OSBPL3: variants seen among roughly 807,000 people sequenced by gnomAD.
OSBPL3 encodes the protein oxysterol binding protein like 3.
OSBPL3 carries 65 observed loss-of-function variants against 120.1 expected under a neutral mutation model. That is an observed-to-expected ratio of 0.54 (90% CI 0.44 to 0.67). The LOEUF is 0.67. OSBPL3 is among the 30% of genes least tolerant of loss of function. The pLI is 0.00. For synonymous variants in OSBPL3, 416 were observed against 402.6 expected, an observed-to-expected ratio of 1.03 and a Z score of -0.40; for missense variants, 1,004 against 1,082.1, an observed-to-expected ratio of 0.93 and a Z score of 1.01.
chr7:24,861,781 C>T lies in OSBPL3; in HGVS notation c.871-12G>A, dbSNP rs570906891. ...AAAGGTTTCGGGACCTGAAGTAACA[C>T]CAAAGGGAGATATTTCTTTTCAGAT... is the stretch of plus-strand genomic sequence containing the variant. On this transcript the variant is annotated splice_polypyrimidine_tract_variant and intron_variant, in intron 9 of 22. Coordinates refer to ENST00000313367, the MANE Select transcript of OSBPL3 (RefSeq NM_015550.4). 2 of 1,544,566 alleles carry T rather than the reference C, an allele frequency of 1.3e-6. No homozygotes were observed. Among genetic ancestry groups the T allele is most frequent in the African/African-American group, 2.8e-5 (2 of 71,744 alleles).
Position 24,932,914 on chromosome 7 carries a change from C to T in OSBPL3, c.-149-40293G>A, listed in dbSNP as rs1033090666. Among the ~76,000 whole-genome samples, 1 of 152,356 alleles carries T rather than the reference C, an allele frequency of 6.6e-6. No individual in the cohort carries two copies. The highest frequency in any genetic ancestry group is 2.4e-5 in the African/African-American group (1 of 41,580). On this transcript the variant is annotated intron_variant, in intron 1 of 22. Transcript: ENST00000313367. The surrounding 1 kb of genome is among the most constrained non-coding windows in gnomAD (Gnocchi z 5.6). ...CAAGACTCCAACTGGTCCCCGGGGA[C>T]AGACCCCCACTGTTCTGTAAGGCAG... is the stretch of plus-strand genomic sequence containing the variant.
intron 1 of OSBPL3, among the ~76,000 whole-genome samples, chr7:24,957,718 A>T (rs916938556): frequency 1.3e-5 from 2 of 152,260 alleles, no homozygotes; most frequent in Non-Finnish European, 2.9e-5. Context: ...TTACTGTGAG[A>T]ACAGCAACCA....
In OSBPL3 at chr7:24,813,889, T is replaced by G. The variant is rs1376995753; in HGVS notation, c.2172+1170A>C. On this transcript the variant is annotated intron_variant, in intron 19 of 22. Coordinates refer to ENST00000313367, the MANE Select transcript of OSBPL3 (RefSeq NM_015550.4). This position sits in a 1 kb window ranked among gnomAD's most constrained non-coding sequence, Gnocchi z 4.5. The stretch of plus-strand genomic sequence containing the variant: ...TAAAATGAGAGACCATTCCATACTT[T>G]TTGCCTCTGGCCAATTTTTCCATTT... 1.3e-5 allele frequency among the ~76,000 whole-genome samples: 2 copies of G among 152,204 alleles called. No homozygotes were observed. The highest frequency in any genetic ancestry group is 2.9e-5 in the Non-Finnish European group (2 of 68,038).
At chr7:24,892,341 A>G in intron 2 of OSBPL3, 36 bp downstream of exon 2, 2 of 1,601,700 alleles carry the variant, frequency 1.2e-6, no homozygotes, top group Non-Finnish European at 1.7e-6. Flanking sequence ...GATGGCTTAC[A>G]TTTGCATATT....
intron 1 of OSBPL3, among the ~76,000 whole-genome samples, chr7:24,893,449 T>C (rs570385063): frequency 6.6e-6 from 1 of 152,316 alleles, no homozygotes; most frequent in African/African-American, 2.4e-5. Context: ...GGCCAATAAT[T>C]AGTGGTTACT....
chr7:24,920,775 T>C (rs1429862543), intron 1 of OSBPL3, among the ~76,000 whole-genome samples: 1 of 152,160 alleles, frequency 6.6e-6, no homozygotes, highest in Non-Finnish European at 1.5e-5. Flanking sequence ...GATCAGCCTA[T>C]ATAAAGCCTA....
intron 18 of OSBPL3, among the ~76,000 whole-genome samples, chr7:24,816,191 C>T (rs900854381): frequency 1.3e-5 from 2 of 152,060 alleles, no homozygotes; most frequent in Non-Finnish European, 2.9e-5. Context: ...CTATGCCTGG[C>T]TAATTTTTGT....
At chr7:24,837,770 GAAGT>G (rs1797192084) in intron 14 of OSBPL3, among the ~76,000 whole-genome samples, 1 of 152,166 alleles carries the variant, frequency 6.6e-6, no homozygotes, top group Non-Finnish European at 1.5e-5. Flanking sequence ...AGGCATAGAG[GAAGT>G]AAGTATCTGG....
chr7:24,848,028 G>A (rs555771661), intron 12 of OSBPL3, among the ~76,000 whole-genome samples: 4 of 152,310 alleles, frequency 2.6e-5, no homozygotes, highest in South Asian at 2.1e-4. Flanking sequence ...GCCAGACAGA[G>A]GGTGAGGCTC....
Position 24,840,986 on chromosome 7 carries a change from G to A in OSBPL3, c.1402-203C>T, listed in dbSNP as rs147557145. ...TGTTCTTAAAATTCTTACACATTCC[G>A]AATTAGTTCTCACAAGGAAAACAGC... On this transcript the variant is annotated intron_variant, in intron 13 of 22. Transcript: ENST00000313367. Among the ~76,000 whole-genome samples, 634 of 152,248 alleles carry A rather than the reference G, an allele frequency of 4.2e-3. 7 individuals are homozygous for A. The highest frequency in any genetic ancestry group is 0.015 in the African/African-American group (610 of 41,544).
intron 1 of OSBPL3, among the ~76,000 whole-genome samples, chr7:24,895,679 C>T (rs954402694): frequency 4.6e-5 from 7 of 152,068 alleles, no homozygotes; most frequent in South Asian, 2.1e-4. Flanking sequence ...GAGGAGGCCT[C>T]GGCAGGATGG....
rs1290900602 is a variant in OSBPL3 at position 24,916,616 on chromosome 7, C to G, written c.-149-23995G>C. Among the ~76,000 whole-genome samples the G allele has an allele frequency of 6.6e-6, 1 of 152,064 alleles. No homozygotes were observed. Among genetic ancestry groups the G allele is most frequent in the Non-Finnish European group, 1.5e-5 (1 of 68,020 alleles). ...TATACCTCCATCAGTCTTCTTCATT[C>G]CCTGACCCTCTTCTCTGGCTGTGTC... On this transcript the variant is annotated intron_variant, in intron 1 of 22. Coordinates refer to ENST00000313367, the MANE Select transcript of OSBPL3 (RefSeq NM_015550.4). The surrounding 1 kb of genome is among the most constrained non-coding windows in gnomAD (Gnocchi z 4.9).
intron 1 of OSBPL3, among the ~76,000 whole-genome samples, chr7:24,915,173 T>C (rs192014992): frequency 6.8e-4 from 103 of 152,290 alleles, no homozygotes; most frequent in African/African-American, 2.3e-3. Flanking sequence ...AGCTACCCAA[T>C]AATTCTCATT....
rs191108160 is a variant in OSBPL3, at chr7:24,868,112, A to G, written c.382-1875T>C. Among the ~76,000 whole-genome samples, 15 of 152,202 alleles carry G rather than the reference A, an allele frequency of 9.9e-5. No homozygotes were observed. The East Asian group carries it at 2.9e-3, about 29-fold the overall frequency. On this transcript the variant is annotated intron_variant, in intron 5 of 22. Coordinates refer to ENST00000313367, the MANE Select transcript of OSBPL3 (RefSeq NM_015550.4). ...GGAGGGTGGATCATGAGGTCAGGAG[A>G]TCGAGACTGTCCTGGCCAACATGGT...
chr7:24,908,081 A>T (rs1808212113), intron 1 of OSBPL3, among the ~76,000 whole-genome samples: 1 of 152,194 alleles, frequency 6.6e-6, no homozygotes. Context: ...GTCTTTGGCC[A>T]CAAGAGACAT....
rs114762879 is a variant in OSBPL3 at position 24,860,674 on chromosome 7, T to C, written c.1027+939A>G. Among the ~76,000 whole-genome samples, 1,130 of 152,324 alleles carry C rather than the reference T, an allele frequency of 7.4e-3. 12 individuals are homozygous for C. Among genetic ancestry groups the C allele is most frequent in the African/African-American group, 0.026 (1,061 of 41,570 alleles). On this transcript the variant is annotated intron_variant, in intron 10 of 22. Transcript: ENST00000313367. ...GCATGAAAATGGAGTAATACACCTA[T>C]ACTATGTAATGTTTTGAGATTGGTT...
At chr7:24,836,266 C>T (rs1475674760) in intron 14 of OSBPL3, among the ~76,000 whole-genome samples, 2 of 152,190 alleles carry the variant, frequency 1.3e-5, no homozygotes, top group African/African-American at 2.4e-5. Context: ...ACATCCATCT[C>T]CTGAGGCCTC....
At position 24,852,246 on chromosome 7, in the gene OSBPL3, T is replaced by C. The variant is rs1554365546; in HGVS notation, c.1158+258A>G. Among the ~76,000 whole-genome samples, 1 of 152,174 alleles carries C rather than the reference T, an allele frequency of 6.6e-6. No homozygotes were observed. The highest frequency in any genetic ancestry group is 1.5e-5 in the Non-Finnish European group (1 of 68,034). On this transcript the variant is annotated intron_variant, in intron 11 of 22. Transcript: ENST00000313367. The surrounding 1 kb of genome is among the most constrained non-coding windows in gnomAD (Gnocchi z 4.1). ...ACACAAAAACGTACAATAAAAATGT[T>C]AGAGAAACAAAAAAATTAAGATCAG... is the stretch of plus-strand genomic sequence containing the variant.
intron 1 of OSBPL3, among the ~76,000 whole-genome samples, chr7:24,917,094 GA>G (rs1447766891): frequency 6.6e-6 from 1 of 151,972 alleles, no homozygotes; most frequent in East Asian, 1.9e-4. Context: ...AGAACTCCAA[GA>G]ATGCATTCCA....
Sources: allele counts gnomAD v4.1 joint callset (sites outside exome capture counted in the v4.1 genomes callset), GRCh38; gene constraint gnomAD v4.1.1; non-coding constraint Gnocchi (gnomAD v3.1); transcripts MANE v1.5; gene names NCBI Gene and HGNC (gene_info 2026-07-23, HGNC 2026-07-21).